RPS6KC1: variants seen among roughly 807,000 people sequenced by gnomAD.
RPS6KC1 encodes the protein inactive ribosomal protein S6 kinase delta-1.
In RPS6KC1, 54 loss-of-function variants were observed where a neutral mutation model predicts 103.8. The ratio of observed to expected loss-of-function variants is 0.52; its 90% CI spans 0.42 to 0.65. The LOEUF is 0.65. Among genes scored for constraint, RPS6KC1 ranks in the 30% least tolerant of loss-of-function variants. The pLI, the probability that RPS6KC1 is intolerant of heterozygous loss-of-function variation, is 0.00. For synonymous variants in RPS6KC1, 439 were observed against 438.7 expected, an observed-to-expected ratio of 1.00 and a Z score of -0.01; for missense variants, 1,151 against 1,253.8, an observed-to-expected ratio of 0.92 and a Z score of 1.24.
chr1:213,820,139 T>G, the RPS6KC1 span: 1 of 152,200 alleles, frequency 6.6e-6, no homozygotes, highest in Non-Finnish European at 1.5e-5. Flanking sequence ...GGTATAGACC[T>G]CATCGCCAGC....
intron 8 of RPS6KC1, among the ~76,000 whole-genome samples, chr1:213,213,498 C>CA (rs1035917063): frequency 6.6e-6 from 1 of 152,190 alleles, no homozygotes; most frequent in Non-Finnish European, 1.5e-5. Flanking sequence ...ATCAGTCCTC[C>CA]AGCTTTGTTC....
intron 8 of RPS6KC1, among the ~76,000 whole-genome samples, chr1:213,198,105 A>G (rs2093023242): frequency 6.6e-6 from 1 of 152,068 alleles, no homozygotes; most frequent in Admixed American, 6.5e-5. Context: ...GTTTTGTTTT[A>G]AGATTTAGAA....
intron 4 of RPS6KC1, among the ~76,000 whole-genome samples, chr1:213,111,359 A>G (rs1247560138): frequency 6.6e-6 from 1 of 152,180 alleles, no homozygotes; most frequent in Non-Finnish European, 1.5e-5. Flanking sequence ...TTTACTGCAT[A>G]CTCAGAAACA....
rs576487979 is a variant in RPS6KC1 at position 213,191,877 on chromosome 1, C to T, written c.1044+15385C>T. Among the ~76,000 whole-genome samples, 97 of 152,020 alleles carry T rather than the reference C, an allele frequency of 6.4e-4. 1 individual carries two copies. The South Asian group carries it at 0.014, about 22-fold the overall frequency. The stretch of plus-strand genomic sequence containing the variant: ...CGGCTGGAGTGCAGTGGCATGATCT[C>T]GGCTCACTGCAACCTCCGCCTCCCA... On this transcript the variant is annotated intron_variant, in intron 8 of 14. Transcript: ENST00000366960.
the RPS6KC1 span, among the ~76,000 whole-genome samples, chr1:213,686,608 T>A: frequency 1.3e-5 from 2 of 152,172 alleles, no homozygotes; most frequent in African/African-American, 4.8e-5. Context: ...ATATAACATG[T>A]TTTTATCTGT....
intron 8 of RPS6KC1, among the ~76,000 whole-genome samples, chr1:213,203,931 A>G (rs2093256835): frequency 6.6e-6 from 1 of 152,156 alleles, no homozygotes; most frequent in African/African-American, 2.4e-5. Flanking sequence ...TATTTCTGAG[A>G]GCATGGTCTC....
At chr1:213,792,087 G>A in the RPS6KC1 span, among the ~76,000 whole-genome samples, 3 of 152,082 alleles carry the variant, frequency 2.0e-5, no homozygotes, top group Admixed American at 1.3e-4. Flanking sequence ...CCCCAATACT[G>A]TGCCCCTGGC....
chr1:213,407,407 A>C, the RPS6KC1 span, among the ~76,000 whole-genome samples: 1 of 152,218 alleles, frequency 6.6e-6, no homozygotes, highest in African/African-American at 2.4e-5. Context: ...TGAAGGACTA[A>C]AGGAGGGAGA....
chr1:213,659,931 G>T, the RPS6KC1 span, among the ~76,000 whole-genome samples: 1 of 152,114 alleles, frequency 6.6e-6, no homozygotes, highest in Non-Finnish European at 1.5e-5. Context: ...ATTAAGCATT[G>T]AACTTATTCC....
chr1:213,787,667 T>TG, the RPS6KC1 span, among the ~76,000 whole-genome samples: 10,168 of 152,092 alleles, frequency 0.067, 1,088 homozygotes, highest in African/African-American at 0.23. Flanking sequence ...TGGGATTTAT[T>TG]GGGGGGAGGG....
chr1:213,145,594 T>C (rs960846992), intron 6 of RPS6KC1, among the ~76,000 whole-genome samples: 8 of 152,086 alleles, frequency 5.3e-5, no homozygotes, highest in Non-Finnish European at 7.3e-5. Context: ...AGTGTCTTCC[T>C]AAGAAGTAGT....
At chr1:213,269,800 A>T (rs1318017827) in intron 14 of RPS6KC1, among the ~76,000 whole-genome samples, 1 of 152,072 alleles carries the variant, frequency 6.6e-6, no homozygotes, top group African/African-American at 2.4e-5. Flanking sequence ...CTGTAGTCCC[A>T]GCTGCTTGGG....
At chr1:213,186,593 A>G (rs2092541995) in intron 8 of RPS6KC1, among the ~76,000 whole-genome samples, 1 of 151,798 alleles carries the variant, frequency 6.6e-6, no homozygotes, top group African/African-American at 2.4e-5. Flanking sequence ...GTGTTCTGAG[A>G]TTTTTTTGTA....
At chr1:213,769,704 C>A in the RPS6KC1 span, among the ~76,000 whole-genome samples, 18 of 152,056 alleles carry the variant, frequency 1.2e-4, no homozygotes, top group South Asian at 1.7e-3. Flanking sequence ...AGAAAAACAA[C>A]CAATCAAGAA....
chr1:213,493,013 G>A, the RPS6KC1 span, among the ~76,000 whole-genome samples: 1 of 152,230 alleles, frequency 6.6e-6, no homozygotes, highest in Non-Finnish European at 1.5e-5. Flanking sequence ...TGCTGGTAGA[G>A]ATCGTGGTGA....
In RPS6KC1 at chr1:213,103,918, A is replaced by G. The variant is rs190899408; in HGVS notation, c.263-536A>G. Among the ~76,000 whole-genome samples the G allele has an allele frequency of 7.9e-4, 120 of 152,268 alleles. 2 individuals carry two copies. In the East Asian group the frequency reaches 0.02, roughly 26 times the overall value. On this transcript the variant is annotated intron_variant, in intron 3 of 14. Transcript: ENST00000366960. ...TGCCATATGTGTGTTCTTTTTTCTC[A>G]CAAGCATGCTGTTATGTATGCTGAC...
the RPS6KC1 span, among the ~76,000 whole-genome samples, chr1:213,499,816 A>C: frequency 6.6e-6 from 1 of 152,264 alleles, no homozygotes; most frequent in East Asian, 1.9e-4. Context: ...AAGTGTAGGC[A>C]GTTGTAACAC....
At chr1:213,527,044 C>A in the RPS6KC1 span, among the ~76,000 whole-genome samples, 4 of 152,164 alleles carry the variant, frequency 2.6e-5, no homozygotes, top group Non-Finnish European at 5.9e-5. Flanking sequence ...TTGGGCAAGT[C>A]ATTGGAGAAA....
At chr1:213,684,841 T>C in the RPS6KC1 span, among the ~76,000 whole-genome samples, 1 of 152,248 alleles carries the variant, frequency 6.6e-6, no homozygotes, top group Non-Finnish European at 1.5e-5. Flanking sequence ...CACATGGAGA[T>C]GCCTTTCTGC....
Sources: gnomAD v4.1 joint callset for allele counts (sites outside exome capture counted in the v4.1 genomes callset) on GRCh38, gnomAD v4.1.1 for gene constraint, MANE v1.5 for transcripts, NCBI Gene and HGNC (gene_info 2026-07-23, HGNC 2026-07-21) for gene names.